Variants in AGTPBP1 observed in about 807,000 individuals in gnomAD.
The protein encoded by AGTPBP1 is cytosolic carboxypeptidase 1.
In AGTPBP1, 70 loss-of-function variants were observed where a neutral mutation model predicts 143.9. The ratio of observed to expected loss-of-function variants is 0.49; its 90% CI spans 0.40 to 0.59. The LOEUF is 0.59. Ranked by LOEUF, AGTPBP1 falls within the 20% of genes least tolerant of loss-of-function variation. AGTPBP1 has a pLI of 0.00. For synonymous variants in AGTPBP1, 463 were observed against 500.2 expected (o/e 0.93, Z 0.99); for missense variants, 1,229 against 1,464.5 (o/e 0.84, Z 2.62).
intron 1 of AGTPBP1, among the ~76,000 whole-genome samples, chr9:85,732,722 T>C (rs1056228593): frequency 6.6e-6 from 1 of 152,166 alleles, no homozygotes; most frequent in African/African-American, 2.4e-5. Context: ...CAACTGTATG[T>C]TGTCTGCAGG....
the AGTPBP1 span, chr9:85,786,056 T>C: frequency 4.5e-6 from 6 of 1,343,880 alleles, no homozygotes; most frequent in Non-Finnish European, 4.1e-6. Context: ...ACACCTAATT[T>C]TGAGGAAATA....
At chr9:85,642,659 A>T (rs1832561414) in intron 13 of AGTPBP1, among the ~76,000 whole-genome samples, 168 bp downstream of exon 13, 1 of 152,120 alleles carries the variant, frequency 6.6e-6, no homozygotes, top group African/African-American at 2.4e-5. Flanking sequence ...CAATTGCTTA[A>T]CTGCAGCTCA....
At chr9:85,677,609 AAAC>A (rs771181191) in intron 5 of AGTPBP1, 27 bp from the exon 6 acceptor site, 28 of 1,494,002 alleles carry the variant, frequency 1.9e-5, no homozygotes, top group Middle Eastern at 1.8e-4. Flanking sequence ...AAAAAAATTT[AAAC>A]AACAAATTAA....
intron 17 of AGTPBP1, among the ~76,000 whole-genome samples, chr9:85,598,362 G>A (rs1829430322): frequency 6.6e-6 from 1 of 152,152 alleles, no homozygotes; most frequent in South Asian, 2.1e-4. Context: ...TCCCAGATTA[G>A]TACCACTTGT....
At chr9:85,630,418 A>G (rs1831588669) in intron 14 of AGTPBP1, among the ~76,000 whole-genome samples, 1 of 151,850 alleles carries the variant, frequency 6.6e-6, no homozygotes, top group African/African-American at 2.4e-5. Context: ...TTATTTATTG[A>G]GACAGAGTCT....
intron 19 of AGTPBP1, among the ~76,000 whole-genome samples, chr9:85,590,629 T>G (rs1828901084): frequency 2.0e-5 from 3 of 151,894 alleles, no homozygotes; most frequent in South Asian, 4.2e-4. Flanking sequence ...CTAGGGAAAA[T>G]AGAGAGTGCT....
At chr9:85,701,774 T>C (rs1836680536) in intron 2 of AGTPBP1, among the ~76,000 whole-genome samples, 1 of 152,218 alleles carries the variant, frequency 6.6e-6, no homozygotes, top group Non-Finnish European at 1.5e-5. Flanking sequence ...TACTACCTTT[T>C]ACCTGTCTTT....
intron 21 of AGTPBP1, among the ~76,000 whole-genome samples, 158 bp from the exon 22 acceptor site, chr9:85,587,118 C>G (rs181516640): frequency 2.0e-3 from 301 of 152,304 alleles, no homozygotes; most frequent in African/African-American, 7.0e-3. Flanking sequence ...CAAATGCATA[C>G]TATATTCATT....
intron 1 of AGTPBP1, among the ~76,000 whole-genome samples, chr9:85,713,046 T>C (rs138237670): frequency 4.8e-4 from 73 of 152,320 alleles, no homozygotes; most frequent in African/African-American, 1.1e-3. Flanking sequence ...CCTCAAACAA[T>C]AGTTTTCATT....
At chr9:85,780,758 C>T in the AGTPBP1 span, among the ~76,000 whole-genome samples, 1 of 152,160 alleles carries the variant, frequency 6.6e-6, no homozygotes, top group East Asian at 1.9e-4. Context: ...CAAACCCATT[C>T]AGGTAACAGA....
chr9:85,763,302 C>T, the AGTPBP1 span, among the ~76,000 whole-genome samples: 1 of 152,032 alleles, frequency 6.6e-6, no homozygotes, highest in Non-Finnish European at 1.5e-5. Context: ...TGTGCTCCAA[C>T]ATGGAAATTC....
chr9:85,795,088 T>TTTG, the AGTPBP1 span, among the ~76,000 whole-genome samples: 2 of 152,158 alleles, frequency 1.3e-5, no homozygotes, highest in Non-Finnish European at 2.9e-5. Context: ...CAACTACTTT[T>TTTG]TTGTTGTTGT....
chr9:85,746,576 C>T (rs78616379), upstream of AGTPBP1, among the ~76,000 whole-genome samples: 576 of 152,136 alleles, frequency 3.8e-3, 2 homozygotes, highest in Non-Finnish European at 6.4e-3. Flanking sequence ...CTACAGTAAA[C>T]CGTAATCACA....
intron 17 of AGTPBP1, among the ~76,000 whole-genome samples, chr9:85,602,435 A>G (rs896111892): frequency 6.6e-6 from 1 of 152,160 alleles, no homozygotes; most frequent in African/African-American, 2.4e-5. Context: ...TTTTCAAATA[A>G]CCCAGTCAGA....
chr9:85,673,739 G>A (rs957655616), intron 6 of AGTPBP1, among the ~76,000 whole-genome samples: 2 of 152,044 alleles, frequency 1.3e-5, no homozygotes, highest in African/African-American at 4.8e-5. Flanking sequence ...TATATTAAAT[G>A]CCCAGACTTC....
chr9:85,621,086 T>A, intron 15 of AGTPBP1, 116 bp downstream of exon 15: 1 of 476,652 alleles, frequency 2.1e-6, no homozygotes, highest in South Asian at 5.5e-5. Flanking sequence ...TATATTTTTA[T>A]TTATTATTTT....
At position 85,655,180 on chromosome 9, in the gene AGTPBP1, A is replaced by T. The variant is rs770025012; in HGVS notation, c.1050T>A (p.Thr350=). 1 of 1,613,706 alleles carries T rather than the reference A, an allele frequency of 6.2e-7. No individual in the cohort carries two copies. Among genetic ancestry groups the T allele is most frequent in the Non-Finnish European group, 8.5e-7 (1 of 1,179,734 alleles). ...AGCTGTAGAGCTGAGCCACAGGACC[A>T]GTCACAGGAATAACAGGCAACTGGA... ...FHFQLPVIPV[T]GPVAQLYSLP... Residue 350 remains threonine, a synonymous_variant, in exon 11 of 26, where the codon ACT becomes ACA. Coordinates refer to ENST00000357081, the MANE Select transcript of AGTPBP1 (RefSeq NM_001330701.2).
At chr9:85,604,215 G>A (rs1829853783) in intron 17 of AGTPBP1, among the ~76,000 whole-genome samples, 1 of 152,206 alleles carries the variant, frequency 6.6e-6, no homozygotes, top group Non-Finnish European at 1.5e-5. Flanking sequence ...ACCAGCGGTG[G>A]TGGCCACAGG....
At chr9:85,647,015 C>T (rs370811919) in intron 11 of AGTPBP1, among the ~76,000 whole-genome samples, 62 of 152,112 alleles carry the variant, frequency 4.1e-4, no homozygotes, top group African/African-American at 1.4e-3. Flanking sequence ...CAGTGGCTCA[C>T]GCCTGTAATC....
Sources: allele counts gnomAD v4.1 joint callset (sites outside exome capture counted in the v4.1 genomes callset), GRCh38; gene constraint gnomAD v4.1.1; transcripts MANE v1.5; gene names NCBI Gene and HGNC (gene_info 2026-07-23, HGNC 2026-07-21).